Variants in RRH observed in about 807,000 individuals in gnomAD.
RRH encodes retinal pigment epithelium-derived rhodopsin homolog.
Under a neutral mutation model 33.1 loss-of-function variants are expected in RRH, and 36 were observed. That is an observed-to-expected ratio of 1.09 (90% CI 0.83 to 1.44). The LOEUF (loss-of-function observed/expected upper bound fraction) is 1.44, where lower values mean the gene tolerates loss of function less well. Among genes scored for constraint, RRH ranks in the 40% most tolerant of loss-of-function variants. The probability of loss-of-function intolerance (pLI) is 0.00; values close to 1 mark genes in which losing one functional copy is unlikely to be tolerated. For synonymous variants in RRH, 124 were observed against 140.2 expected (o/e 0.88, Z 0.82); for missense variants, 393 against 420.2 (o/e 0.94, Z 0.57).
At position 109,833,026 on chromosome 4, in the gene RRH, T is replaced by C. The variant is rs1205481640; in HGVS notation, c.107-113T>C. ...GAACAGCAGGAGCTCTTCAAATAAATGAACTAAAATAGATCTGTTATGTTT... is the reference window on the plus strand; with the variant it reads ...GAACAGCAGGAGCTCTTCAAATAAACGAACTAAAATAGATCTGTTATGTTT... On this transcript the variant is annotated intron_variant, in intron 1 of 6. Coordinates refer to ENST00000317735, the MANE Select transcript of RRH (RefSeq NM_006583.5). 7 of 838,784 alleles carry C rather than the reference T, an allele frequency of 8.3e-6. No homozygotes were observed. The East Asian group carries it at 1.9e-4, about 22-fold the overall frequency. 52.0% of individuals were successfully genotyped at this position (838,784 alleles called of 1,614,324 possible).
intron 5 of RRH, among the ~76,000 whole-genome samples, chr4:109,838,671 G>T (rs1402915561): frequency 6.6e-6 from 1 of 152,122 alleles, no homozygotes; most frequent in East Asian, 1.9e-4. Context: ...AGAATTCTAG[G>T]TGCAAAAGTA....
rs546777338 is a variant in RRH at position 109,844,303 on chromosome 4, A to T, written c.*106A>T. On this transcript the variant is annotated 3_prime_UTR_variant, in exon 7 of 7. Coordinates refer to ENST00000317735, the MANE Select transcript of RRH (RefSeq NM_006583.5). Reference sequence around the variant, plus strand: ...AAGTGCAGACATGGATCATTGTCCTATGAGAGTGTAAGCTCCTCAAGCACA... The same window carrying T: ...AAGTGCAGACATGGATCATTGTCCTTTGAGAGTGTAAGCTCCTCAAGCACA... 16 of 746,968 alleles carry T rather than the reference A, an allele frequency of 2.1e-5. No individual in the cohort carries two copies. The highest frequency in any genetic ancestry group is 3.5e-5 in the African/African-American group (2 of 57,588). The allele number at this position is 746,968 out of a possible 1,614,324, so 46.3% of individuals were successfully genotyped here.
At chr4:109,834,107 A>G (rs999173114) in intron 2 of RRH, among the ~76,000 whole-genome samples, 1 of 152,056 alleles carries the variant, frequency 6.6e-6, no homozygotes, top group African/African-American at 2.4e-5. Context: ...CTGTCTGAAT[A>G]CTTCAGGTTT....
intron 5 of RRH, among the ~76,000 whole-genome samples, chr4:109,842,108 G>A (rs1021942941): frequency 2.6e-5 from 4 of 152,106 alleles, no homozygotes; most frequent in Non-Finnish European, 5.9e-5. Flanking sequence ...GGAGTTCATA[G>A]CATAATGATG....
intron 1 of RRH, among the ~76,000 whole-genome samples, chr4:109,829,417 CA>C (rs34337445): frequency 0.55 from 76,916 of 140,838 alleles, 21,200 homozygotes; most frequent in Non-Finnish European, 0.65. Context: ...TGTAGATGAC[CA>C]AAAAAAAAAA....
chr4:109,833,962 CTG>C (rs1180148055), intron 2 of RRH, among the ~76,000 whole-genome samples: 6 of 152,172 alleles, frequency 3.9e-5, no homozygotes, highest in Non-Finnish European at 7.4e-5. Context: ...GTTTCGCAAT[CTG>C]TGCTTCAGAT....
chr4:109,837,990 G>C (rs7698794), intron 5 of RRH, among the ~76,000 whole-genome samples: 28,299 of 152,090 alleles, frequency 0.19, 3,153 homozygotes, highest in Admixed American at 0.33. Context: ...TGTTGGGCCA[G>C]GCTGGTCTTG....
rs1173911003 is a variant in RRH at position 109,844,672 on chromosome 4, T to C, written c.*475T>C. On this transcript the variant is annotated 3_prime_UTR_variant, in exon 7 of 7. Coordinates refer to ENST00000317735, the MANE Select transcript of RRH (RefSeq NM_006583.5). ...ATTAACTTATGTTATTAAACAAAAA[T>C]AAATGAACATTAAACATGATTGTTT... 1 of 157,080 alleles carries C rather than the reference T, an allele frequency of 6.4e-6. No homozygotes were observed. The highest frequency in any genetic ancestry group is 2.4e-5 in the African/African-American group (1 of 41,584). The allele number at this position is 157,080 out of a possible 1,614,324, so 9.7% of individuals were successfully genotyped here. A position where few individuals can be genotyped will look rare whatever the true frequency, so the allele number is the denominator to read the frequency against.
At chr4:109,829,356 A>G (rs1356857080) in intron 1 of RRH, among the ~76,000 whole-genome samples, 1 of 151,864 alleles carries the variant, frequency 6.6e-6, no homozygotes, top group Non-Finnish European at 1.5e-5. Flanking sequence ...AAATCTCCTA[A>G]CAATTACATG....
At chr4:109,834,585 C>T (rs1733839983) in intron 2 of RRH, among the ~76,000 whole-genome samples, 1 of 151,016 alleles carries the variant, frequency 6.6e-6, no homozygotes, top group South Asian at 2.1e-4. Context: ...CCTCATGATC[C>T]TCCCACCTCG....
At chr4:109,834,250 T>C (rs1431455905) in intron 2 of RRH, among the ~76,000 whole-genome samples, 1 of 152,136 alleles carries the variant, frequency 6.6e-6, no homozygotes, top group Non-Finnish European at 1.5e-5. Flanking sequence ...ATATTCCATT[T>C]TGTGAACGTA....
intron 1 of RRH, among the ~76,000 whole-genome samples, chr4:109,830,056 A>C (rs1733717702): frequency 6.6e-6 from 1 of 152,092 alleles, no homozygotes; most frequent in Admixed American, 6.6e-5. Context: ...TTAATTTTTA[A>C]TTTGATCTTT....
chr4:109,842,767 C>T, intron 6 of RRH, 120 bp downstream of exon 6: 1 of 877,514 alleles, frequency 1.1e-6, no homozygotes. Context: ...TCATTTGCCT[C>T]ATGTGACTGG....
intron 4 of RRH, among the ~76,000 whole-genome samples, chr4:109,836,383 T>G (rs947282997): frequency 6.6e-6 from 1 of 152,204 alleles, no homozygotes; most frequent in Non-Finnish European, 1.5e-5. Context: ...CTTTATCCCA[T>G]TCCTTCCTCC....
chr4:109,836,950 TG>T (rs1258510639), intron 4 of RRH, among the ~76,000 whole-genome samples: 1 of 145,126 alleles, frequency 6.9e-6, no homozygotes, highest in African/African-American at 2.6e-5. Context: ...TAGCTGGCTG[TG>T]GTGGTGTATG....
chr4:109,835,692 G>C (rs1479569093), intron 3 of RRH, among the ~76,000 whole-genome samples: 1 of 152,058 alleles, frequency 6.6e-6, no homozygotes, highest in African/African-American at 2.4e-5. Context: ...CCAAAGTGAG[G>C]TTTTCATACC....
intron 3 of RRH, 105 bp from the exon 4 acceptor site, chr4:109,835,902 T>G: frequency 7.1e-7 from 1 of 1,400,764 alleles, no homozygotes; most frequent in Non-Finnish European, 1.0e-6. Context: ...CCAATCAAAG[T>G]GCTCTGTAAA....
chr4:109,842,438 T>C, intron 5 of RRH, 31 bp from the exon 6 acceptor site: 1 of 1,597,902 alleles, frequency 6.3e-7, no homozygotes, highest in Non-Finnish European at 8.6e-7. Flanking sequence ...ATTTTAGGTA[T>C]TGGGCTTGGT....
rs1734041060 is a variant in RRH, at chr4:109,844,305, G to C, written c.*108G>C. On this transcript the variant is annotated 3_prime_UTR_variant, in exon 7 of 7. Transcript: ENST00000317735. The stretch of plus-strand genomic sequence containing the variant: ...GTGCAGACATGGATCATTGTCCTAT[G>C]AGAGTGTAAGCTCCTCAAGCACAGC... The C allele has an allele frequency of 5.4e-6, 4 of 738,360 alleles. No homozygotes were observed. In the East Asian group the frequency reaches 8.4e-5, roughly 15 times the overall value. The allele number at this position is 738,360 out of a possible 1,614,324, so 45.7% of individuals were successfully genotyped here.
Sources: gnomAD v4.1 joint callset for allele counts (sites outside exome capture counted in the v4.1 genomes callset) on GRCh38, gnomAD v4.1.1 for gene constraint, MANE v1.5 for transcripts, NCBI Gene and HGNC (gene_info 2026-07-23, HGNC 2026-07-21) for gene names.